The following TMEM245 variants were observed in gnomAD, a reference collection of about 807,000 sequenced individuals.
TMEM245 encodes protein CG-2.
Under a neutral mutation model 101.2 loss-of-function variants are expected in TMEM245, and 69 were observed. The observed-to-expected ratio is 0.68, with a 90% CI of 0.56 to 0.83. The LOEUF is 0.83. Among genes scored for constraint, TMEM245 ranks in the 40% least tolerant of loss-of-function variants. TMEM245 has a pLI of 0.00. For missense variants in TMEM245, 1,075 were observed against 1,092.8 expected (o/e 0.98, Z 0.23); for synonymous variants, 537 against 449.8 (o/e 1.19, Z -2.45).
At chr9:109,020,569 C>T (rs1827590687) in intron 17 of TMEM245, 64 bp from the exon 18 acceptor site, 1 of 1,437,652 alleles carries the variant, frequency 7.0e-7, no homozygotes, top group African/African-American at 1.4e-5. Context: ...TTTTTACAAT[C>T]TTTTGGAGCC....
intron 7 of TMEM245, among the ~76,000 whole-genome samples, chr9:109,082,136 C>T (rs1008602537): frequency 4.6e-5 from 7 of 152,206 alleles, no homozygotes; most frequent in Non-Finnish European, 8.8e-5. Flanking sequence ...AACATGAGTT[C>T]TGCAGCATTT....
rs536236422 is a variant in TMEM245, at chr9:109,105,554, T to C, written c.799+954A>G. On this transcript the variant is annotated intron_variant, in intron 3 of 17. Transcript: ENST00000374586. The stretch of plus-strand genomic sequence containing the variant: ...AAATAAATACTTGCACACAAGTTCA[T>C]AGCAGCACTATTCACAATAGACAAA... 6.6e-5 allele frequency among the ~76,000 whole-genome samples: 10 copies of C among 152,342 alleles called. No homozygotes were observed. The Middle Eastern group carries it at 0.01, about 155-fold the overall frequency.
At chr9:109,033,196 G>T in intron 17 of TMEM245, 111 bp downstream of exon 17, 2 of 1,168,460 alleles carry the variant, frequency 1.7e-6, no homozygotes, top group Non-Finnish European at 2.3e-6. Flanking sequence ...TCACAGCATT[G>T]GTACTCAAAT....
chr9:109,036,048 T>C (rs954269934), intron 16 of TMEM245, 158 bp downstream of exon 16: 15 of 455,810 alleles, frequency 3.3e-5, no homozygotes, highest in African/African-American at 2.8e-4. Context: ...CTATTTTCAA[T>C]GAAAATTTCA....
intron 16 of TMEM245, 51 bp downstream of exon 16, chr9:109,036,155 A>AC: frequency 6.8e-7 from 1 of 1,463,582 alleles, no homozygotes. Context: ...AAAAAAAAAA[A>AC]ACGGAAATGC....
At chr9:109,026,718 G>A (rs1827802135) in intron 17 of TMEM245, among the ~76,000 whole-genome samples, 1 of 151,354 alleles carries the variant, frequency 6.6e-6, no homozygotes, top group Non-Finnish European at 1.5e-5. Context: ...GATCCCTAAT[G>A]TTGAAGGTGA....
At chr9:109,046,200 G>A (rs1227734158) in intron 14 of TMEM245, 2 of 532,716 alleles carry the variant, frequency 3.8e-6, no homozygotes, top group Admixed American at 1.9e-5. Flanking sequence ...CAGCAAGCAA[G>A]AGCCATACCC....
At position 109,062,218 on chromosome 9, in the gene TMEM245, C is replaced by G. The variant is rs550063992; in HGVS notation, c.1624-1766G>C. 2.2e-3 allele frequency among the ~76,000 whole-genome samples: 328 copies of G among 151,428 alleles called. 3 individuals are homozygous for G. The highest frequency in any genetic ancestry group is 3.5e-3 in the Non-Finnish European group (236 of 67,798). On this transcript the variant is annotated intron_variant, in intron 10 of 17. Transcript: ENST00000374586. The stretch of plus-strand genomic sequence containing the variant: ...ACAAGGTCTCACTATGTTGCCCAAG[C>G]TGGTCTGGGCTCAAGTGATCCTCCT...
At chr9:109,023,024 T>C (rs1185839439) in intron 17 of TMEM245, among the ~76,000 whole-genome samples, 1 of 152,226 alleles carries the variant, frequency 6.6e-6, no homozygotes, top group African/African-American at 2.4e-5. Context: ...ACAAGTGAGC[T>C]TAGCTGTAAC....
intron 17 of TMEM245, among the ~76,000 whole-genome samples, chr9:109,024,597 C>A (rs1216592340): frequency 6.6e-6 from 1 of 152,226 alleles, no homozygotes; most frequent in Non-Finnish European, 1.5e-5. Context: ...GGACTTCTTA[C>A]CTAGTTCAGA....
At chr9:109,061,603 G>A (rs1829013721) in intron 10 of TMEM245, among the ~76,000 whole-genome samples, 1 of 151,926 alleles carries the variant, frequency 6.6e-6, no homozygotes, top group Admixed American at 6.6e-5. Flanking sequence ...GTCTTGCTCT[G>A]TCACCCAGGC....
intron 14 of TMEM245, among the ~76,000 whole-genome samples, chr9:109,049,774 C>T (rs1828616846): frequency 6.6e-6 from 1 of 152,112 alleles, no homozygotes; most frequent in East Asian, 1.9e-4. Context: ...CTGCACTAAG[C>T]CAAGATCACA....
intron 12 of TMEM245, among the ~76,000 whole-genome samples, chr9:109,052,968 G>A (rs1381761092): frequency 6.6e-6 from 1 of 152,122 alleles, no homozygotes; most frequent in Non-Finnish European, 1.5e-5. Context: ...GGAATCAACT[G>A]GAGAAAATAG....
chr9:109,112,699 T>A (rs1262662312), intron 1 of TMEM245, among the ~76,000 whole-genome samples: 1 of 152,218 alleles, frequency 6.6e-6, no homozygotes, highest in African/African-American at 2.4e-5. Flanking sequence ...CTTTATATGT[T>A]CACATGGACA....
At chr9:109,116,456 G>A (rs1830725567) in intron 1 of TMEM245, among the ~76,000 whole-genome samples, 2 of 152,096 alleles carry the variant, frequency 1.3e-5, no homozygotes, top group Non-Finnish European at 2.9e-5. Context: ...CCTGGGCTCA[G>A]ACAATCCTCC....
intron 14 of TMEM245, among the ~76,000 whole-genome samples, chr9:109,048,977 G>A (rs1022189961): frequency 1.3e-5 from 2 of 152,332 alleles, no homozygotes; most frequent in African/African-American, 4.8e-5. Flanking sequence ...GTAGGACAGA[G>A]GAGAAACAGG....
intron 2 of TMEM245, 131 bp downstream of exon 2, chr9:109,108,322 C>T: frequency 2.3e-6 from 1 of 435,122 alleles, no homozygotes; most frequent in Non-Finnish European, 4.0e-6. Context: ...TAAAGCATAA[C>T]ATTTTCTAAA....
At chr9:109,048,536 G>A (rs1191094524) in intron 14 of TMEM245, among the ~76,000 whole-genome samples, 2 of 152,166 alleles carry the variant, frequency 1.3e-5, no homozygotes, top group African/African-American at 2.4e-5. Context: ...CTATTCAAGA[G>A]ATGCTTAAGA....
At position 109,106,612 on chromosome 9, in the gene TMEM245, G is replaced by A. The variant is rs1157571417; in HGVS notation, c.698-3C>T. 1.3e-6 allele frequency: 2 copies of A among 1,598,012 alleles called. No homozygotes were observed. The highest frequency in any genetic ancestry group is 1.7e-6 in the Non-Finnish European group (2 of 1,169,980). ...TCTCCATGAGCCAGCCAGGGATGCT[G>A]CAAATTATTAAGAATTAACATTTTT... is the stretch of plus-strand genomic sequence containing the variant. On this transcript the variant is annotated splice_region_variant and splice_polypyrimidine_tract_variant and intron_variant, in intron 2 of 17. Transcript: ENST00000374586.
Sources: gnomAD v4.1 joint callset for allele counts (sites outside exome capture counted in the v4.1 genomes callset) on GRCh38, gnomAD v4.1.1 for gene constraint, MANE v1.5 for transcripts, NCBI Gene and HGNC (gene_info 2026-07-23, HGNC 2026-07-21) for gene names.